The following ADAMTSL3 variants were observed in gnomAD, a reference collection of about 807,000 sequenced individuals.
The protein encoded by ADAMTSL3 is ADAMTS-like protein 3.
A neutral mutation model predicts 201.7 loss-of-function variants in ADAMTSL3; 128 were observed. The ratio of observed to expected loss-of-function variants is 0.63; its 90% CI spans 0.55 to 0.73. ADAMTSL3 has a LOEUF of 0.73. ADAMTSL3 is among the 30% of genes least tolerant of loss of function. ADAMTSL3 has a pLI of 0.00. For missense variants in ADAMTSL3, 1,990 were observed against 2,119.6 expected (o/e 0.94, Z 1.20); for synonymous variants, 738 against 748.4 (o/e 0.99, Z 0.23).
At chr15:84,020,929 C>T (rs924344892) in intron 25 of ADAMTSL3, among the ~76,000 whole-genome samples, 2 of 152,230 alleles carry the variant, frequency 1.3e-5, no homozygotes, top group Non-Finnish European at 2.9e-5. Flanking sequence ...AAGAACAGAA[C>T]TCAAATGCAT....
chr15:83,812,490 G>A lies in ADAMTSL3; in HGVS notation c.364-7321G>A, dbSNP rs142211272. On this transcript the variant is annotated intron_variant, in intron 5 of 29. Coordinates refer to ENST00000286744, the MANE Select transcript of ADAMTSL3 (RefSeq NM_207517.3). Reference sequence around the variant, plus strand: ...AACATGCCTACACCTATACTTCCAGGACCGTAAAAGCCCTGTATTAAGGGA... The same window carrying A: ...AACATGCCTACACCTATACTTCCAGAACCGTAAAAGCCCTGTATTAAGGGA... Among the ~76,000 whole-genome samples, 106 of 152,274 alleles carry A rather than the reference G, an allele frequency of 7.0e-4. 1 individual carries two copies. Among genetic ancestry groups the A allele is most frequent in the Non-Finnish European group, 9.6e-4 (65 of 68,012 alleles).
intron 17 of ADAMTSL3, among the ~76,000 whole-genome samples, chr15:83,926,984 C>G (rs143822524): frequency 6.6e-6 from 1 of 152,148 alleles, no homozygotes; most frequent in Admixed American, 6.5e-5. Flanking sequence ...TATCAGTTCA[C>G]CTCTACTGTC....
chr15:83,769,978 G>T (rs961750969), intron 3 of ADAMTSL3, among the ~76,000 whole-genome samples: 3 of 151,988 alleles, frequency 2.0e-5, no homozygotes, highest in African/African-American at 7.2e-5. Flanking sequence ...CCAAGAATAT[G>T]TGGTTTTTGT....
intron 3 of ADAMTSL3, among the ~76,000 whole-genome samples, chr15:83,757,445 T>TGGCTGAGTGGCTGAGC (rs1387822154): frequency 1.3e-5 from 2 of 152,070 alleles, no homozygotes; most frequent in African/African-American, 4.8e-5. Context: ...AGTGGCTGAG[T>TGGCTGAGTGGCTGAGC]GGCTGAGATG....
At chr15:83,948,955 C>A (rs1332051041) in intron 19 of ADAMTSL3, among the ~76,000 whole-genome samples, 2 of 151,988 alleles carry the variant, frequency 1.3e-5, no homozygotes, top group African/African-American at 4.8e-5. Context: ...GTAAGAATCA[C>A]AAAATGGAGA....
intron 19 of ADAMTSL3, among the ~76,000 whole-genome samples, chr15:83,954,341 T>C (rs1452394297): frequency 6.6e-6 from 1 of 152,238 alleles, no homozygotes; most frequent in Non-Finnish European, 1.5e-5. Flanking sequence ...TTCTTCAGTA[T>C]GTCAATTGTA....
At chr15:83,835,188 TG>T in intron 6 of ADAMTSL3, among the ~76,000 whole-genome samples, 1 of 145,848 alleles carries the variant, frequency 6.9e-6, no homozygotes, top group Admixed American at 7.1e-5. Flanking sequence ...GAGCTGAGAT[TG>T]CACCACTGCA....
At chr15:83,848,779 T>G (rs2141732739) in intron 7 of ADAMTSL3, among the ~76,000 whole-genome samples, 1 of 152,360 alleles carries the variant, frequency 6.6e-6, no homozygotes, top group South Asian at 2.1e-4. Flanking sequence ...GTAACTTATC[T>G]CAAGTTTCTT....
chr15:84,005,625 G>A (rs948325106), intron 23 of ADAMTSL3, among the ~76,000 whole-genome samples: 3 of 152,188 alleles, frequency 2.0e-5, no homozygotes, highest in Non-Finnish European at 4.4e-5. Context: ...GTCTGGTGGC[G>A]TTAAAGAACT....
intron 20 of ADAMTSL3, among the ~76,000 whole-genome samples, chr15:83,981,304 A>G (rs993687246): frequency 1.3e-5 from 2 of 152,212 alleles, no homozygotes; most frequent in Non-Finnish European, 2.9e-5. Flanking sequence ...CTAGCCCATT[A>G]AGAGGAGCCG....
chr15:83,888,301 T>C lies in ADAMTSL3; in HGVS notation c.1073-1808T>C, dbSNP rs536704616. Among the ~76,000 whole-genome samples the C allele has an allele frequency of 5.9e-5, 9 of 152,386 alleles. No homozygotes were observed. The East Asian group carries it at 1.5e-3, about 26-fold the overall frequency. ...CTTTTGCTTTTTGCTATTTCTAAAC[T>C]GTGATAAAACAAAAGAGGAAAATTA... On this transcript the variant is annotated intron_variant, in intron 10 of 29. Coordinates refer to ENST00000286744, the MANE Select transcript of ADAMTSL3 (RefSeq NM_207517.3).
chr15:83,878,558 G>A (rs566844295), intron 9 of ADAMTSL3, among the ~76,000 whole-genome samples: 8 of 152,128 alleles, frequency 5.3e-5, no homozygotes, highest in African/African-American at 1.9e-4. Context: ...AGGTTGCAGT[G>A]GGCCAAGATT....
intron 5 of ADAMTSL3, among the ~76,000 whole-genome samples, chr15:83,811,931 G>A (rs1250371560): frequency 1.3e-5 from 2 of 152,190 alleles, no homozygotes; most frequent in Non-Finnish European, 2.9e-5. Context: ...CTGCAGCTGT[G>A]CACGCCCAAG....
chr15:83,851,319 C>T (rs1396354943), intron 7 of ADAMTSL3, among the ~76,000 whole-genome samples: 2 of 152,106 alleles, frequency 1.3e-5, no homozygotes, highest in Admixed American at 1.3e-4. Flanking sequence ...GTAGGCAGCT[C>T]CACCCAGAAG....
chr15:84,009,036 C>T (rs1306987563), intron 23 of ADAMTSL3, among the ~76,000 whole-genome samples: 1 of 152,190 alleles, frequency 6.6e-6, no homozygotes, highest in African/African-American at 2.4e-5. Flanking sequence ...TCCAAGTCAC[C>T]GTCATCTCTA....
At chr15:83,855,271 G>A (rs973944424) in intron 7 of ADAMTSL3, among the ~76,000 whole-genome samples, 13 of 152,172 alleles carry the variant, frequency 8.5e-5, no homozygotes, top group African/African-American at 2.9e-4. Flanking sequence ...ATATGTTGGA[G>A]TTTTTCAAAA....
chr15:83,999,858 T>C (rs565253240), intron 23 of ADAMTSL3, among the ~76,000 whole-genome samples: 5 of 152,338 alleles, frequency 3.3e-5, no homozygotes, highest in African/African-American at 1.2e-4. Flanking sequence ...TAACTTTCTT[T>C]ACTGGGTTTA....
At position 83,892,546 on chromosome 15, in the gene ADAMTSL3, A is replaced by T; in HGVS notation, c.1263-138A>T. 5.0e-6 allele frequency: 4 copies of T among 806,346 alleles called. No homozygotes were observed. The South Asian group carries it at 7.6e-5, about 15-fold the overall frequency. The allele number at this position is 806,346 out of a possible 1,614,324, so 49.9% of individuals were successfully genotyped here. On this transcript the variant is annotated intron_variant, in intron 12 of 29. Transcript: ENST00000286744. ...CTCTGTCTCAACAAAAAAAAGTATA[A>T]AGTCTTATGACTCCCAGTCCCAGGC... is the stretch of plus-strand genomic sequence containing the variant.
rs553099224 is a variant in ADAMTSL3, at chr15:83,821,975, C to T, written c.600+1928C>T. Among the ~76,000 whole-genome samples the T allele has an allele frequency of 1.5e-3, 218 of 147,748 alleles. 2 individuals are homozygous for T. The highest frequency in any genetic ancestry group is 1.8e-3 in the Non-Finnish European group (119 of 66,516). On this transcript the variant is annotated intron_variant, in intron 6 of 29. Coordinates refer to ENST00000286744, the MANE Select transcript of ADAMTSL3 (RefSeq NM_207517.3). Reference sequence around the variant, plus strand: ...GCAGAGGCGCCCCTCACCTCCCGGACGGGGCTGCTGGCCGGGCGGGTTGCT... The same window carrying T: ...GCAGAGGCGCCCCTCACCTCCCGGATGGGGCTGCTGGCCGGGCGGGTTGCT...
Sources: gnomAD v4.1 joint callset for allele counts (sites outside exome capture counted in the v4.1 genomes callset) on GRCh38, gnomAD v4.1.1 for gene constraint, MANE v1.5 for transcripts, NCBI Gene and HGNC (gene_info 2026-07-23, HGNC 2026-07-21) for gene names.